The following AP3B1 variants were observed in gnomAD, a reference collection of about 807,000 sequenced individuals.
The protein encoded by AP3B1 is AP-3 complex subunit beta-1.
Under a neutral mutation model 132.5 loss-of-function variants are expected in AP3B1, and 61 were observed. That is an observed-to-expected ratio of 0.46 (90% CI 0.37 to 0.57). AP3B1 has a LOEUF of 0.57. Among genes scored for constraint, AP3B1 ranks in the 20% least tolerant of loss-of-function variants. AP3B1 has a pLI of 0.00. For missense variants in AP3B1, 1,120 were observed against 1,289.4 expected (o/e 0.87, Z 2.01); for synonymous variants, 388 against 438.3 (o/e 0.89, Z 1.43).
intron 7 of AP3B1, among the ~76,000 whole-genome samples, chr5:78,202,742 G>T (rs531091183): frequency 6.6e-6 from 1 of 152,266 alleles, no homozygotes; most frequent in Non-Finnish European, 1.5e-5. Context: ...AAGGGTTTGT[G>T]TGTGTTACTA....
chr5:78,098,126 C>T (rs529606310), intron 21 of AP3B1, among the ~76,000 whole-genome samples: 31 of 150,796 alleles, frequency 2.1e-4, no homozygotes, highest in African/African-American at 7.1e-4. Context: ...CTCAAGTACC[C>T]GGGGACACAA....
chr5:78,183,146 G>A (rs943121696), intron 7 of AP3B1, among the ~76,000 whole-genome samples: 3 of 152,270 alleles, frequency 2.0e-5, no homozygotes, highest in Admixed American at 6.5e-5. Context: ...AAAGACGGTT[G>A]GGGAGCCAGA....
intron 7 of AP3B1, among the ~76,000 whole-genome samples, chr5:78,192,705 G>C (rs1744894101): frequency 6.6e-6 from 1 of 152,130 alleles, no homozygotes; most frequent in Admixed American, 6.5e-5. Context: ...TAGGAGATGG[G>C]GCCTTTGAAA....
chr5:78,035,040 A>G (rs1163154658), intron 23 of AP3B1, among the ~76,000 whole-genome samples: 1 of 151,940 alleles, frequency 6.6e-6, no homozygotes, highest in Non-Finnish European at 1.5e-5. Flanking sequence ...GGCAGATTAG[A>G]TTATCTTTAT....
At chr5:78,093,819 A>G (rs1310963822) in intron 21 of AP3B1, among the ~76,000 whole-genome samples, 3 of 152,210 alleles carry the variant, frequency 2.0e-5, no homozygotes, top group African/African-American at 7.2e-5. Flanking sequence ...ATGACTCCCA[A>G]AAGTATTTGT....
chr5:78,290,965 G>C (rs1232235852), intron 1 of AP3B1, among the ~76,000 whole-genome samples: 2 of 151,990 alleles, frequency 1.3e-5, no homozygotes, highest in South Asian at 2.1e-4. Flanking sequence ...TAAAAAATAA[G>C]AGTACAAAAA....
intron 7 of AP3B1, among the ~76,000 whole-genome samples, chr5:78,213,470 T>C (rs998175965): frequency 2.6e-5 from 4 of 152,216 alleles, no homozygotes; most frequent in African/African-American, 9.6e-5. Flanking sequence ...ATTCTAATAC[T>C]GCAATAAGGG....
intron 20 of AP3B1, among the ~76,000 whole-genome samples, chr5:78,109,687 T>C (rs1205845392): frequency 6.6e-6 from 1 of 152,142 alleles, no homozygotes; most frequent in Non-Finnish European, 1.5e-5. Flanking sequence ...ATTTTTTTCC[T>C]GCTAAGCAGG....
chr5:78,051,160 A>G (rs1386497903), intron 22 of AP3B1, among the ~76,000 whole-genome samples: 1 of 152,184 alleles, frequency 6.6e-6, no homozygotes, highest in Non-Finnish European at 1.5e-5. Context: ...GCGTGGAATG[A>G]GAGTGCACAT....
At chr5:78,110,094 G>T in intron 20 of AP3B1, 113 bp downstream of exon 20, 1 of 978,740 alleles carries the variant, frequency 1.0e-6, no homozygotes, top group South Asian at 1.5e-5. Context: ...GGTTATAAGG[G>T]AAAGGCTTAT....
intron 22 of AP3B1, among the ~76,000 whole-genome samples, chr5:78,053,678 CAAAAAAA>C (rs1166305470): frequency 1.3e-5 from 1 of 75,590 alleles, no homozygotes; most frequent in African/African-American, 5.9e-5. Context: ...GACTCCATCT[CAAAAAAA>C]AAAAAAAAAA....
chr5:78,134,473 A>G (rs1752822768), intron 15 of AP3B1, among the ~76,000 whole-genome samples: 1 of 152,210 alleles, frequency 6.6e-6, no homozygotes, highest in South Asian at 2.1e-4. Flanking sequence ...TAAACTCTAC[A>G]TAGAATTCTT....
chr5:78,122,594 C>T (rs1015297346), intron 17 of AP3B1, among the ~76,000 whole-genome samples: 3 of 152,124 alleles, frequency 2.0e-5, no homozygotes, highest in African/African-American at 4.8e-5. Context: ...CTCCCATTCA[C>T]AATTGCTTCA....
intron 1 of AP3B1, among the ~76,000 whole-genome samples, chr5:78,268,784 G>A (rs562342822): frequency 6.6e-6 from 1 of 152,132 alleles, no homozygotes; most frequent in Non-Finnish European, 1.5e-5. Context: ...AGAAAAGCTA[G>A]TCTTCAACAA....
At chr5:78,134,905 G>A (rs1352499058) in intron 15 of AP3B1, among the ~76,000 whole-genome samples, 1 of 152,134 alleles carries the variant, frequency 6.6e-6, no homozygotes, top group Non-Finnish European at 1.5e-5. Flanking sequence ...TGTAATTTCT[G>A]AATTTAATAG....
At chr5:78,181,455 T>C (rs969120731) in intron 8 of AP3B1, 52 bp downstream of exon 8, 9 of 1,547,990 alleles carry the variant, frequency 5.8e-6, no homozygotes, top group Middle Eastern at 2.1e-4. Flanking sequence ...ATATTTTTAA[T>C]TGCTGTTTTT....
intron 24 of AP3B1, among the ~76,000 whole-genome samples, chr5:78,028,140 A>G (rs999737289): frequency 3.3e-5 from 5 of 152,062 alleles, no homozygotes; most frequent in Admixed American, 6.6e-5. Context: ...AACAAAAAAA[A>G]AGAAAATAAT....
At chr5:78,218,685 A>G (rs1206879528) in intron 6 of AP3B1, among the ~76,000 whole-genome samples, 1 of 152,182 alleles carries the variant, frequency 6.6e-6, no homozygotes, top group East Asian at 1.9e-4. Context: ...TATGAAGGGT[A>G]CAAAACGTTT....
intron 6 of AP3B1, among the ~76,000 whole-genome samples, chr5:78,221,146 C>A (rs1746163627): frequency 2.0e-5 from 3 of 152,092 alleles, no homozygotes; most frequent in African/African-American, 7.2e-5. Context: ...TGCATGCACG[C>A]CCTCCCACCA....
Sources: allele counts gnomAD v4.1 joint callset (sites outside exome capture counted in the v4.1 genomes callset), GRCh38; gene constraint gnomAD v4.1.1; transcripts MANE v1.5; gene names NCBI Gene and HGNC (gene_info 2026-07-23, HGNC 2026-07-21).